HDC: variants seen among roughly 807,000 people sequenced by gnomAD.
The protein encoded by HDC is histidine decarboxylase.
HDC carries 27 observed loss-of-function variants against 64.4 expected under a neutral mutation model. That is an observed-to-expected ratio of 0.42 (90% confidence interval 0.31 to 0.58). The LOEUF (loss-of-function observed/expected upper bound fraction) is 0.58. Among genes scored for constraint, HDC ranks in the 20% least tolerant of loss-of-function variants. The pLI is 0.16. For synonymous variants in HDC, 305 were observed against 314.2 expected (o/e 0.97, Z 0.31); for missense variants, 711 against 833.9 (o/e 0.85, Z 1.81).
At position 50,258,408 on chromosome 15, in the gene HDC, G is replaced by C. The variant is rs762333131; in HGVS notation, c.314C>G (p.Thr105Ser). ...LADAINCLGF[T>S]WASSPACTEL... ...GTTACAGCCGTTGCTACTCACCCAG[G>C]TGAATCCCAAGCAGTTGATGGCATC... is the stretch of plus-strand genomic sequence containing the variant. The change falls in exon 3 of 12, where the codon ACC (threonine) becomes AGC (serine). Residue 105 changes from threonine (T) to serine (S), a missense_variant. Physicochemically the swap from Thr to Ser is moderately conservative, Grantham distance 58 (BLOSUM62 1). This residue lies in a region of HDC where 225 missense variants were observed against 276.2 expected (regional missense o/e 0.81). Transcript: ENST00000267845. The C allele has an allele frequency of 1.3e-6, 2 of 1,598,622 alleles. No individual in the cohort carries two copies. Among genetic ancestry groups the C allele is most frequent in the South Asian group, 2.2e-5 (2 of 90,748 alleles).
At chr15:50,250,792 A>C (rs2045543964) in intron 9 of HDC, among the ~76,000 whole-genome samples, 1 of 152,180 alleles carries the variant, frequency 6.6e-6, no homozygotes, top group African/African-American at 2.4e-5. Flanking sequence ...GTGGAGATAA[A>C]GAACCATTAT....
chr15:50,259,948 C>A (rs1009689820), intron 2 of HDC, among the ~76,000 whole-genome samples: 2 of 152,082 alleles, frequency 1.3e-5, no homozygotes, highest in African/African-American at 4.8e-5. Flanking sequence ...GCTGTGTGAC[C>A]GTGTAGATTT....
chr15:50,262,669 C>A (rs2045719007), intron 2 of HDC, among the ~76,000 whole-genome samples: 1 of 152,192 alleles, frequency 6.6e-6, no homozygotes, highest in Non-Finnish European at 1.5e-5. Flanking sequence ...AAAAGCAGCT[C>A]AATCACCAGA....
At position 50,254,550 on chromosome 15, in the gene HDC, C is replaced by T. The variant is rs758629922; in HGVS notation, c.556G>A (p.Val186Met). Residue 186 changes from valine (V) to methionine (M), a missense_variant, in exon 5 of 12, where the codon GTG becomes ATG. Val to Met is a conservative substitution (Grantham distance 21). Transcript: ENST00000267845. ...ADESCLNARL[V>M]AYASDQAHSS... is the part of the protein sequence containing the mutation. ...CTCACCTGGTCAGAGGCATAGGCCACGAGTCGGGCATTTAGGCAGGACTCA... is the reference window on the plus strand; with the variant it reads ...CTCACCTGGTCAGAGGCATAGGCCATGAGTCGGGCATTTAGGCAGGACTCA... 2.1e-5 allele frequency: 34 copies of T among 1,614,216 alleles called. No homozygotes were observed. The highest frequency in any genetic ancestry group is 4.0e-5 in the African/African-American group (3 of 75,068).
At chr15:50,259,117 G>A (rs531190621) in intron 2 of HDC, among the ~76,000 whole-genome samples, 7 of 151,724 alleles carry the variant, frequency 4.6e-5, no homozygotes, top group African/African-American at 9.7e-5. Flanking sequence ...AGCCAAGATC[G>A]CTCCACTGCA....
chr15:50,264,551 T>C (rs1363686277), intron 1 of HDC, among the ~76,000 whole-genome samples: 2 of 152,222 alleles, frequency 1.3e-5, no homozygotes, highest in African/African-American at 4.8e-5. Flanking sequence ...TATTTATTCT[T>C]TCAGATTGCA....
chr15:50,259,567 T>G (rs1161280856), intron 2 of HDC, among the ~76,000 whole-genome samples: 1 of 152,188 alleles, frequency 6.6e-6, no homozygotes, highest in African/African-American at 2.4e-5. Context: ...CCCTGTTCCT[T>G]TCTGCATTTA....
At chr15:50,262,310 T>C (rs1371521858) in intron 2 of HDC, among the ~76,000 whole-genome samples, 2 of 152,162 alleles carry the variant, frequency 1.3e-5, no homozygotes, top group Non-Finnish European at 2.9e-5. Context: ...TTCTGTGACT[T>C]TGGGCAAGAC....
intron 7 of HDC, 180 bp from the exon 8 acceptor site, chr15:50,252,954 T>A (rs2045578280): frequency 4.7e-6 from 3 of 638,204 alleles, no homozygotes; most frequent in African/African-American, 3.6e-5. Flanking sequence ...GAAGGAGGCA[T>A]CATTACCTCC....
chr15:50,254,197 G>A lies in HDC; in HGVS notation c.653C>T (p.Ser218Leu). ...CTTCTGAAGAGCTTCCCCTCGGAGT[G>A]AGAAGTTGTCATCCACAGGCAGAAA... ...MKFLPVDDNFSLRGEALQKAI... is the reference protein window; with the variant it reads ...MKFLPVDDNFLLRGEALQKAI... Residue 218 changes from serine to leucine, a missense_variant, in exon 6 of 12, where the codon TCA becomes TTA. Ser to Leu is a moderately radical substitution (Grantham distance 145). This residue lies in a region of HDC where 225 missense variants were observed against 276.2 expected (regional missense o/e 0.81). Transcript: ENST00000267845. 1.2e-6 allele frequency: 2 copies of A among 1,614,172 alleles called. No individual in the cohort carries two copies. Among genetic ancestry groups the A allele is most frequent in the Non-Finnish European group, 1.7e-6 (2 of 1,180,016 alleles).
At chr15:50,256,637 C>T (rs2045635896) in intron 4 of HDC, among the ~76,000 whole-genome samples, 1 of 152,210 alleles carries the variant, frequency 6.6e-6, no homozygotes, top group African/African-American at 2.4e-5. Context: ...CCATCTGTCT[C>T]AGCCTCTCAA....
chr15:50,250,094 A>C (rs2045535057), intron 9 of HDC, among the ~76,000 whole-genome samples: 1 of 152,216 alleles, frequency 6.6e-6, no homozygotes, highest in Non-Finnish European at 1.5e-5. Context: ...TGAGAGGCAG[A>C]AAACAGGGAG....
At chr15:50,253,745 G>T in intron 6 of HDC, 79 bp from the exon 7 acceptor site, 1 of 1,095,316 alleles carries the variant, frequency 9.1e-7, no homozygotes, top group Non-Finnish European at 1.4e-6. Context: ...TTTCACCACA[G>T]ACGTGATCTA....
chr15:50,256,067 A>T (rs1024558848), intron 4 of HDC, among the ~76,000 whole-genome samples: 1 of 152,222 alleles, frequency 6.6e-6, no homozygotes, highest in Non-Finnish European at 1.5e-5. Context: ...TGTGTAAGCT[A>T]GGGCAAATTA....
chr15:50,258,364 A>G lies in HDC; in HGVS notation c.318+40T>C, dbSNP rs141925435. On this transcript the variant is annotated intron_variant, in intron 3 of 11. Coordinates refer to ENST00000267845, the MANE Select transcript of HDC (RefSeq NM_002112.4). ...CTGCCCTAGGATACCACTCCCTGCT[A>G]CGTTCCCCATTGCGAGTAGTTACAG... The G allele has an allele frequency of 2.3e-3, 2,608 of 1,129,252 alleles. 34 individuals carry two copies. The highest frequency in any genetic ancestry group is 0.015 in the South Asian group (1,180 of 80,502). The allele number at this position is 1,129,252 out of a possible 1,614,324, so 70.0% of individuals were successfully genotyped here.
At position 50,263,259 on chromosome 15, in the gene HDC, G is replaced by A; in HGVS notation, c.180C>T (p.Asp60=). Reference sequence around the variant, plus strand: ...CCCCAGGCATGATGATTCGTTCAATGTCCCCAAAGATGCTGTCCCAGCTGT... The same window carrying A: ...CCCCAGGCATGATGATTCGTTCAATATCCCCAAAGATGCTGTCCCAGCTGT... ...DPDSWDSIFG[D]IERIIMPGVV... The change falls in exon 2 of 12, where the codon GAC becomes GAT. Residue 60 remains aspartate, a synonymous_variant. Transcript: ENST00000267845. 6.2e-7 allele frequency: 1 copy of A among 1,614,128 alleles called. No individual in the cohort carries two copies. Among genetic ancestry groups the A allele is most frequent in the Non-Finnish European group, 8.5e-7 (1 of 1,180,020 alleles).
At chr15:50,256,914 A>T (rs919256757) in intron 4 of HDC, among the ~76,000 whole-genome samples, 1 of 152,228 alleles carries the variant, frequency 6.6e-6, no homozygotes, top group Non-Finnish European at 1.5e-5. Context: ...AGGCACCCAG[A>T]AAGCTCCACT....
Position 50,254,131 on chromosome 15 carries a change from A to G in HDC, c.719T>C (p.Phe240Ser). 1 of 1,614,184 alleles carries G rather than the reference A, an allele frequency of 6.2e-7. No homozygotes were observed. Among genetic ancestry groups the G allele is most frequent in the Non-Finnish European group, 8.5e-7 (1 of 1,180,020 alleles). The change falls in exon 6 of 12, where the codon TTT becomes TCT. Residue 240 changes from phenylalanine to serine, a missense_variant and splice_region_variant. Around this residue, in one of 3 missense-constraint regions of HDC, gnomAD observed 483 missense variants for 540.9 expected, o/e 0.89. Transcript: ENST00000267845. ...EDKQRGLVPV[F>S]VCATLGTTGV... ...GCTTAGGCATATATCCTGACTTACA[A>G]AGACGGGCACCAAGCCCCGCTGCTT...
chr15:50,265,599 C>G lies in HDC; in HGVS notation c.25G>C (p.Glu9Gln). 1 of 1,613,910 alleles carries G rather than the reference C, an allele frequency of 6.2e-7. No individual in the cohort carries two copies. Among genetic ancestry groups the G allele is most frequent in the Non-Finnish European group, 8.5e-7 (1 of 1,179,800 alleles). ...AGGGATGCCCGTTGCTCACCTCTCT[C>G]TCTGTACTCCTCAGGCTCCATCATC... MMEPEEYR[E>Q]RGREMVDYIC... The change falls in exon 1 of 12, where the codon GAG becomes CAG. Residue 9 changes from glutamate to glutamine, a missense_variant. Coordinates refer to ENST00000267845, the MANE Select transcript of HDC (RefSeq NM_002112.4).
Sources: allele counts gnomAD v4.1 joint callset (sites outside exome capture counted in the v4.1 genomes callset), GRCh38; gene constraint gnomAD v4.1.1; regional missense constraint gnomAD v4.1.1; transcripts MANE v1.5; gene names NCBI Gene and HGNC (gene_info 2026-07-23, HGNC 2026-07-21).